DLG2: variants seen among roughly 807,000 people sequenced by gnomAD.
DLG2 encodes the protein discs large MAGUK scaffold protein 2.
DLG2 carries 45 observed loss-of-function variants against 132.5 expected under a neutral mutation model. The ratio of observed to expected loss-of-function variants is 0.34; its 90% CI spans 0.27 to 0.44. The LOEUF is 0.44. Ranked by LOEUF, DLG2 falls within the 20% of genes least tolerant of loss-of-function variation. The probability of loss-of-function intolerance (pLI) is 1.00; values close to 1 mark genes in which losing one functional copy is unlikely to be tolerated. For synonymous variants in DLG2, 424 were observed against 419.6 expected, an observed-to-expected ratio of 1.01 and a Z score of -0.13; for missense variants, 1,045 against 1,196.9, an observed-to-expected ratio of 0.87 and a Z score of 1.87.
intron 16 of DLG2, among the ~76,000 whole-genome samples, chr11:83,859,789 C>G (rs1454394908): frequency 6.6e-6 from 1 of 152,178 alleles, no homozygotes; most frequent in Non-Finnish European, 1.5e-5. Context: ...GGCAGCCCCT[C>G]CCTTCACAGC....
chr11:84,203,352 G>A (rs893024428), intron 8 of DLG2, among the ~76,000 whole-genome samples: 1 of 152,126 alleles, frequency 6.6e-6, no homozygotes, highest in African/African-American at 2.4e-5. Flanking sequence ...GGAGGCTGAG[G>A]TGGGCAGATC....
At chr11:84,160,948 A>G (rs901215607) in intron 9 of DLG2, among the ~76,000 whole-genome samples, 2 of 152,196 alleles carry the variant, frequency 1.3e-5, no homozygotes, top group African/African-American at 4.8e-5. Flanking sequence ...TTGAGATTTG[A>G]GGAGATATGA....
intron 18 of DLG2, among the ~76,000 whole-genome samples, chr11:83,741,031 C>T (rs966519319): frequency 3.3e-5 from 5 of 152,166 alleles, no homozygotes; most frequent in Admixed American, 2.6e-4. Context: ...ACCACATAAA[C>T]AGAATCAAAA....
Position 85,345,868 on chromosome 11 carries a change from T to C in DLG2, c.41-60503A>G, listed in dbSNP as rs900482290. Among the ~76,000 whole-genome samples the C allele has an allele frequency of 5.9e-5, 9 of 152,180 alleles. 1 individual carries two copies. In the South Asian group the frequency reaches 1.0e-3, roughly 18 times the overall value. On this transcript the variant is annotated intron_variant, in intron 3 of 27. Coordinates refer to ENST00000376104, the MANE Select transcript of DLG2 (RefSeq NM_001142699.3). ...TTAGTTGATCACATATGATAACTAT[T>C]GCTTTAAAAAAAACAAACGCCAAAT...
At chr11:85,280,657 C>CA (rs983608498) in intron 4 of DLG2, among the ~76,000 whole-genome samples, 6 of 151,390 alleles carry the variant, frequency 4.0e-5, no homozygotes, top group East Asian at 1.9e-4. Context: ...TTTTTTACAC[C>CA]AAAAAAACCC....
At position 83,472,235 on chromosome 11, in the gene DLG2, T is replaced by C. The variant is rs141870224; in HGVS notation, c.2344+492A>G. 2.5e-4 allele frequency among the ~76,000 whole-genome samples: 38 copies of C among 152,292 alleles called. No individual in the cohort carries two copies. In the East Asian group the frequency reaches 2.7e-3, roughly 11 times the overall value. On this transcript the variant is annotated intron_variant, in intron 23 of 27. Coordinates refer to ENST00000376104, the MANE Select transcript of DLG2 (RefSeq NM_001142699.3). ...GGATTAGAAGGAACCTGAGAGTTCATTGGGTACAAGTCCCCATCTGATGCT... is the reference window on the plus strand; with the variant it reads ...GGATTAGAAGGAACCTGAGAGTTCACTGGGTACAAGTCCCCATCTGATGCT...
intron 22 of DLG2, among the ~76,000 whole-genome samples, chr11:83,474,946 T>C (rs1414202055): frequency 2.0e-5 from 3 of 152,152 alleles, no homozygotes; most frequent in African/African-American, 7.2e-5. Context: ...GGGCAAAGCA[T>C]AGCTTTGATT....
At chr11:84,317,236 C>A in intron 7 of DLG2, 1 of 1,513,912 alleles carries the variant, frequency 6.6e-7, no homozygotes, top group Admixed American at 2.1e-5. Flanking sequence ...TTGTAAAAGT[C>A]TTTTTTCCAC....
chr11:84,261,690 C>T (rs2097549344), intron 7 of DLG2, among the ~76,000 whole-genome samples: 1 of 152,118 alleles, frequency 6.6e-6, no homozygotes, highest in Non-Finnish European at 1.5e-5. Context: ...CAGGGTCCTC[C>T]TCTCTATTTC....
chr11:83,872,985 A>C (rs933516904), intron 16 of DLG2, among the ~76,000 whole-genome samples: 2 of 152,198 alleles, frequency 1.3e-5, no homozygotes, highest in African/African-American at 4.8e-5. Context: ...AAGATTTTTA[A>C]GGTTAGAGTC....
intron 5 of DLG2, 47 bp downstream of exon 5, chr11:85,154,497 GAACAAGACAAGT>G: frequency 1.1e-6 from 1 of 870,626 alleles, no homozygotes; most frequent in Non-Finnish European, 1.8e-6. Context: ...TATCCACAAA[GAACAAGACAAGT>G]CTTACCCATG....
At chr11:84,637,748 T>C (rs2099643235) in intron 6 of DLG2, among the ~76,000 whole-genome samples, 2 of 152,228 alleles carry the variant, frequency 1.3e-5, no homozygotes, top group Non-Finnish European at 2.9e-5. Flanking sequence ...GGTTTAGATC[T>C]GATGTCTATG....
intron 6 of DLG2, among the ~76,000 whole-genome samples, chr11:84,644,022 T>C (rs1256282860): frequency 6.6e-6 from 1 of 152,194 alleles, no homozygotes; most frequent in African/African-American, 2.4e-5. Context: ...GATACAGAGC[T>C]GGTAAGTGGT....
intron 6 of DLG2, among the ~76,000 whole-genome samples, chr11:84,843,052 C>T (rs1034121567): frequency 6.6e-6 from 1 of 151,904 alleles, no homozygotes; most frequent in African/African-American, 2.4e-5. Flanking sequence ...TTCTAGATAT[C>T]TGCTGTACAA....
chr11:83,537,825 AAAAAAAAAAAGAGAG>A (rs1364756317), intron 20 of DLG2, among the ~76,000 whole-genome samples: 3 of 144,664 alleles, frequency 2.1e-5, no homozygotes, highest in South Asian at 2.2e-4. Context: ...AAAAAAAAAA[AAAAAAAAAAAGAGAG>A]AGAGAGATAC....
At chr11:84,678,207 G>A (rs1282128431) in intron 6 of DLG2, among the ~76,000 whole-genome samples, 6 of 151,948 alleles carry the variant, frequency 3.9e-5, no homozygotes, top group Non-Finnish European at 8.8e-5. Context: ...CTCAGACTAT[G>A]GACAATGCCA....
chr11:85,274,444 A>G (rs2077755195), intron 4 of DLG2, among the ~76,000 whole-genome samples: 1 of 152,218 alleles, frequency 6.6e-6, no homozygotes, highest in African/African-American at 2.4e-5. Flanking sequence ...TACTTTCACA[A>G]CAGTATCCAA....
At position 84,942,724 on chromosome 11, in the gene DLG2, C is replaced by A. The variant is rs375657750; in HGVS notation, c.357+168937G>T. On this transcript the variant is annotated intron_variant, in intron 6 of 27. Coordinates refer to ENST00000376104, the MANE Select transcript of DLG2 (RefSeq NM_001142699.3). ...GCCAATGGGGGAACTGTTCTGTAAACGTGTATTAGGTCCATTTGGTCTATG... is the reference window on the plus strand; with the variant it reads ...GCCAATGGGGGAACTGTTCTGTAAAAGTGTATTAGGTCCATTTGGTCTATG... 7.6e-4 allele frequency among the ~76,000 whole-genome samples: 116 copies of A among 152,136 alleles called. 1 individual carries two copies. In the South Asian group the frequency reaches 1.0e-2, roughly 13 times the overall value.
At chr11:85,354,136 C>T (rs1222867659) in intron 3 of DLG2, among the ~76,000 whole-genome samples, 3 of 152,000 alleles carry the variant, frequency 2.0e-5, no homozygotes, top group East Asian at 1.9e-4. Context: ...CCCCACTACC[C>T]TATATCTCCA....
Sources: allele counts gnomAD v4.1 joint callset (sites outside exome capture counted in the v4.1 genomes callset), GRCh38; gene constraint gnomAD v4.1.1; transcripts MANE v1.5; gene names NCBI Gene and HGNC (gene_info 2026-07-23, HGNC 2026-07-21).